Variants in PLA2G4A observed in about 807,000 individuals in gnomAD.
PLA2G4A encodes phospholipase A2 group IVA.
Under a neutral mutation model 81.9 loss-of-function variants are expected in PLA2G4A, and 40 were observed. That is an observed-to-expected ratio of 0.49 (90% CI 0.38 to 0.64). The LOEUF (loss-of-function observed/expected upper bound fraction) is 0.64, where lower values mean the gene tolerates loss of function less well. PLA2G4A is among the 30% of genes least tolerant of loss of function. PLA2G4A has a pLI of 0.00. For missense variants in PLA2G4A, 715 were observed against 905.1 expected (o/e 0.79, Z 2.69); for synonymous variants, 302 against 296.9 (o/e 1.02, Z -0.18).
intron 1 of PLA2G4A, among the ~76,000 whole-genome samples, chr1:186,847,282 A>G (rs985751922): frequency 7.2e-5 from 11 of 151,908 alleles, no homozygotes; most frequent in South Asian, 2.1e-4. Flanking sequence ...TGTAGGTTCA[A>G]TTATGATCTG....
chr1:186,839,423 C>G (rs1438292387), intron 1 of PLA2G4A, among the ~76,000 whole-genome samples: 4 of 152,142 alleles, frequency 2.6e-5, no homozygotes, highest in Non-Finnish European at 5.9e-5. Context: ...CTGCAGTTGT[C>G]TAACTTCCTC....
chr1:186,962,585 G>T (rs192162942), intron 14 of PLA2G4A, among the ~76,000 whole-genome samples: 109 of 151,770 alleles, frequency 7.2e-4, no homozygotes, highest in Non-Finnish European at 1.4e-3. Flanking sequence ...GCAGCGGCGC[G>T]ATCTCGGCTC....
At chr1:186,945,064 G>A (rs1322010767) in intron 10 of PLA2G4A, among the ~76,000 whole-genome samples, 1 of 152,110 alleles carries the variant, frequency 6.6e-6, no homozygotes, top group Non-Finnish European at 1.5e-5. Context: ...AAAAAATGAA[G>A]TGGGTTAGAG....
chr1:186,891,803 G>A (rs1394637753), intron 3 of PLA2G4A, among the ~76,000 whole-genome samples: 1 of 151,580 alleles, frequency 6.6e-6, no homozygotes, highest in African/African-American at 2.4e-5. Context: ...CCTTTTTTTT[G>A]AGTATATACT....
chr1:186,933,668 A>G (rs1258014084), intron 8 of PLA2G4A, among the ~76,000 whole-genome samples: 1 of 152,164 alleles, frequency 6.6e-6, no homozygotes, highest in Non-Finnish European at 1.5e-5. Flanking sequence ...TCATTCAGCC[A>G]TGGCAAACTC....
chr1:186,870,664 C>A (rs1417257879), intron 3 of PLA2G4A, 148 bp downstream of exon 3: 10 of 1,350,350 alleles, frequency 7.4e-6, no homozygotes, highest in Non-Finnish European at 8.3e-6. Context: ...TCAAACAGTT[C>A]TCTGATGCTA....
intron 5 of PLA2G4A, among the ~76,000 whole-genome samples, chr1:186,897,565 G>A (rs543350266): frequency 3.2e-4 from 49 of 152,108 alleles, no homozygotes; most frequent in African/African-American, 1.2e-3. Flanking sequence ...CTGGAGTGCA[G>A]TGGCACAATC....
chr1:186,951,492 C>A (rs1050361572), intron 13 of PLA2G4A, among the ~76,000 whole-genome samples: 12 of 150,090 alleles, frequency 8.0e-5, no homozygotes, highest in African/African-American at 2.0e-4. Flanking sequence ...ACAACAACAA[C>A]AAAAAACAAA....
chr1:186,874,627 G>C (rs557101358), intron 3 of PLA2G4A, among the ~76,000 whole-genome samples: 4 of 151,960 alleles, frequency 2.6e-5, no homozygotes, highest in African/African-American at 9.7e-5. Flanking sequence ...TACAGAATTA[G>C]CATCATAAAC....
At chr1:186,937,487 T>A (rs1412393775) in intron 8 of PLA2G4A, among the ~76,000 whole-genome samples, 1 of 152,002 alleles carries the variant, frequency 6.6e-6, no homozygotes, top group Non-Finnish European at 1.5e-5. Flanking sequence ...GTTGAGCAAG[T>A]CTATTTGATT....
chr1:186,985,531 TG>T (rs1488372945), intron 17 of PLA2G4A, among the ~76,000 whole-genome samples: 1 of 152,198 alleles, frequency 6.6e-6, no homozygotes, highest in Non-Finnish European at 1.5e-5. Flanking sequence ...CTTTCTCTCT[TG>T]GGCTTATTTT....
chr1:186,927,893 T>C lies in PLA2G4A; in HGVS notation c.559-4870T>C, dbSNP rs1196180803. Among the ~76,000 whole-genome samples, 4 of 152,320 alleles carry C rather than the reference T, an allele frequency of 2.6e-5. No homozygotes were observed. The East Asian group carries it at 7.7e-4, about 29-fold the overall frequency. ...CTGTTGTTTCCTTCATCGAGAATAT[T>C]TCCTCGCCTCTTTCCACCTTCATTC... is the stretch of plus-strand genomic sequence containing the variant. On this transcript the variant is annotated intron_variant, in intron 7 of 17. Transcript: ENST00000367466.
intron 12 of PLA2G4A, among the ~76,000 whole-genome samples, chr1:186,949,338 GAAAGAAAGA>G (rs1279201679): frequency 2.1e-5 from 1 of 47,540 alleles, no homozygotes; most frequent in African/African-American, 4.5e-5. Context: ...AAGGAAAGAA[GAAAGAAAGA>G]GAAAGAAAGA....
chr1:186,917,664 T>G (rs966102465), intron 7 of PLA2G4A, among the ~76,000 whole-genome samples: 2 of 152,170 alleles, frequency 1.3e-5, no homozygotes, highest in East Asian at 3.9e-4. Context: ...GAATAAGATC[T>G]TGGAGAAGCA....
chr1:186,896,310 C>T (rs1654332121), intron 5 of PLA2G4A, among the ~76,000 whole-genome samples: 3 of 152,244 alleles, frequency 2.0e-5, no homozygotes, highest in Middle Eastern at 3.4e-3. Context: ...AGGATTTCAT[C>T]AGTAAAGTAG....
intron 1 of PLA2G4A, among the ~76,000 whole-genome samples, chr1:186,834,552 C>T (rs1651711165): frequency 6.6e-6 from 1 of 152,058 alleles, no homozygotes; most frequent in Non-Finnish European, 1.5e-5. Flanking sequence ...AGTCCACTCT[C>T]CTGGTGCGTG....
At chr1:186,932,294 C>CTTTTTTTTTTTTT (rs67757094) in intron 7 of PLA2G4A, among the ~76,000 whole-genome samples, 2 of 138,558 alleles carry the variant, frequency 1.4e-5, no homozygotes, top group African/African-American at 2.6e-5. Flanking sequence ...TTTTCTTTTT[C>CTTTTTTTTTTTTT]TTTTTTTTTT....
intron 1 of PLA2G4A, among the ~76,000 whole-genome samples, chr1:186,835,416 A>G (rs1030063483): frequency 3.9e-5 from 6 of 152,220 alleles, no homozygotes; most frequent in Admixed American, 2.0e-4. Flanking sequence ...GAAAGTATTG[A>G]AAAAAGTAAT....
At chr1:186,902,349 C>G (rs530008506) in intron 5 of PLA2G4A, among the ~76,000 whole-genome samples, 2 of 152,186 alleles carry the variant, frequency 1.3e-5, no homozygotes, top group South Asian at 2.1e-4. Flanking sequence ...ATCAATCATT[C>G]TATACGACAA....
Sources: allele counts gnomAD v4.1 joint callset (sites outside exome capture counted in the v4.1 genomes callset), GRCh38; gene constraint gnomAD v4.1.1; transcripts MANE v1.5; gene names NCBI Gene and HGNC (gene_info 2026-07-23, HGNC 2026-07-21).